PGAP4: variants seen among roughly 807,000 people sequenced by gnomAD.
PGAP4 encodes post-GPI attachment to proteins GalNAc transferase 4.
In PGAP4, 12 loss-of-function variants were observed where a neutral mutation model predicts 28.2. The ratio of observed to expected loss-of-function variants is 0.42; its 90% CI spans 0.27 to 0.69. The LOEUF (loss-of-function observed/expected upper bound fraction) is 0.69, where lower values mean the gene tolerates loss of function less well. Among genes scored for constraint, PGAP4 ranks in the 30% least tolerant of loss-of-function variants. The pLI is 0.22. For synonymous variants in PGAP4, 205 were observed against 211.8 expected, an observed-to-expected ratio of 0.97 and a Z score of 0.28; for missense variants, 425 against 513.5, an observed-to-expected ratio of 0.83 and a Z score of 1.67.
intron 2 of PGAP4, among the ~76,000 whole-genome samples, chr9:101,494,827 T>C (rs961322686): frequency 6.6e-6 from 1 of 151,538 alleles, no homozygotes; most frequent in African/African-American, 2.4e-5. Context: ...TTACTGTATG[T>C]AGCATTTTAA....
At chr9:101,519,970 A>G (rs1826975087) in intron 2 of PGAP4, among the ~76,000 whole-genome samples, 1 of 152,114 alleles carries the variant, frequency 6.6e-6, no homozygotes, top group South Asian at 2.1e-4. Context: ...CATTTGTTGA[A>G]TAGAGTGTCC....
chr9:101,513,453 C>G (rs996449906), intron 2 of PGAP4, among the ~76,000 whole-genome samples: 5 of 152,166 alleles, frequency 3.3e-5, no homozygotes, highest in African/African-American at 1.2e-4. Context: ...TAGGAACAGT[C>G]AGACCTGTCA....
At chr9:101,492,848 C>T (rs550854185) in intron 2 of PGAP4, among the ~76,000 whole-genome samples, 23 of 152,032 alleles carry the variant, frequency 1.5e-4, no homozygotes, top group Non-Finnish European at 3.2e-4. Context: ...GGAGTTTTCT[C>T]CCTAAACTCC....
intron 2 of PGAP4, among the ~76,000 whole-genome samples, chr9:101,494,894 T>G (rs2118579662): frequency 6.6e-6 from 1 of 150,988 alleles, no homozygotes; most frequent in South Asian, 2.1e-4. Context: ...TTTTATAAAT[T>G]TTATATATTT....
At chr9:101,518,089 G>A (rs1826956547) in intron 2 of PGAP4, among the ~76,000 whole-genome samples, 2 of 151,884 alleles carry the variant, frequency 1.3e-5, no homozygotes, top group African/African-American at 4.8e-5. Context: ...TTGTGTCCAC[G>A]TGTACTCAAT....
chr9:101,533,153 T>A (rs1588213560), exon 1 of PGAP4: 1 of 152,344 alleles, frequency 6.6e-6, no homozygotes, highest in South Asian at 2.1e-4. Flanking sequence ...GATCAGAGAC[T>A]GATTGGCGTT....
intron 2 of PGAP4, among the ~76,000 whole-genome samples, chr9:101,492,449 A>C (rs1826699643): frequency 6.6e-6 from 1 of 151,858 alleles, no homozygotes; most frequent in African/African-American, 2.4e-5. Context: ...GCCCGGCAGT[A>C]ATTTTTGTCT....
intron 1 of PGAP4, among the ~76,000 whole-genome samples, chr9:101,482,145 C>T (rs1218571057): frequency 6.6e-6 from 1 of 152,198 alleles, no homozygotes; most frequent in Non-Finnish European, 1.5e-5. Context: ...CTCTGTGAAA[C>T]AGGAAAATAA....
exon 1 of PGAP4, chr9:101,533,407 T>G (rs1827129022): frequency 6.6e-6 from 1 of 152,272 alleles, no homozygotes; most frequent in Admixed American, 6.5e-5. Flanking sequence ...ATCCCTCAGA[T>G]TCTCTCCAGA....
chr9:101,530,552 G>C (rs1482891988), intron 2 of PGAP4, among the ~76,000 whole-genome samples: 1 of 152,160 alleles, frequency 6.6e-6, no homozygotes, highest in Non-Finnish European at 1.5e-5. Context: ...ATAAGTGAGG[G>C]AAAAACTTAT....
chr9:101,478,330 A>G (rs962701923), intron 1 of PGAP4, among the ~76,000 whole-genome samples: 2 of 152,242 alleles, frequency 1.3e-5, no homozygotes, highest in African/African-American at 4.8e-5. Context: ...ATTGCTAGTA[A>G]GGTCAATGCA....
At chr9:101,525,637 G>T (rs1257068980) in intron 2 of PGAP4, among the ~76,000 whole-genome samples, 1 of 149,594 alleles carries the variant, frequency 6.7e-6, no homozygotes, top group African/African-American at 2.5e-5. Flanking sequence ...GAACCCGAGA[G>T]GCGGAGCTTG....
intron 2 of PGAP4, among the ~76,000 whole-genome samples, chr9:101,512,764 A>G (rs1826908460): frequency 6.6e-6 from 1 of 152,196 alleles, no homozygotes. Flanking sequence ...GCTTTCATCA[A>G]TGTGGTTTCT....
In PGAP4 at chr9:101,473,488, G is replaced by A. The variant is rs113356751; in HGVS notation, c.*2393C>T. 6.6e-6 allele frequency: 1 copy of A among 152,244 alleles called. No individual in the cohort carries two copies. Among genetic ancestry groups the A allele is most frequent in the African/African-American group, 2.4e-5 (1 of 41,462 alleles). 9.4% of individuals were successfully genotyped at this position (152,244 alleles called of 1,614,324 possible). ...TAAATGGAGGAAGATCTAGAAGTGG[G>A]TGGGAACAAAAGAGCAGAACTGAGC... is the stretch of plus-strand genomic sequence containing the variant. On this transcript the variant is annotated 3_prime_UTR_variant, in exon 2 of 2. Transcript: ENST00000374848.
At chr9:101,507,585 G>A (rs941843016) in intron 2 of PGAP4, among the ~76,000 whole-genome samples, 2 of 152,060 alleles carry the variant, frequency 1.3e-5, no homozygotes, top group African/African-American at 4.8e-5. Flanking sequence ...GAAAAAACAC[G>A]AGACAGCCTT....
chr9:101,493,967 G>T (rs962599712), intron 2 of PGAP4, among the ~76,000 whole-genome samples: 6 of 151,954 alleles, frequency 3.9e-5, no homozygotes, highest in Non-Finnish European at 8.8e-5. Flanking sequence ...CTAGTAACAG[G>T]TGTATCATAG....
chr9:101,511,132 A>G (rs1447196596), intron 2 of PGAP4, among the ~76,000 whole-genome samples: 1 of 152,182 alleles, frequency 6.6e-6, no homozygotes, highest in African/African-American at 2.4e-5. Flanking sequence ...GCAGTTCACA[A>G]TAGGGTTCTT....
chr9:101,487,693 T>G (rs940382689), upstream of PGAP4, among the ~76,000 whole-genome samples: 3 of 152,224 alleles, frequency 2.0e-5, no homozygotes, highest in Non-Finnish European at 4.4e-5. Flanking sequence ...TTTGCCTGTC[T>G]AGGCCACAGG....
intron 1 of PGAP4, among the ~76,000 whole-genome samples, chr9:101,482,202 C>T (rs2118536912): frequency 6.6e-6 from 1 of 152,382 alleles, no homozygotes; most frequent in South Asian, 2.1e-4. Flanking sequence ...AATCCCACCA[C>T]TTTGGGACGC....
Sources: allele counts gnomAD v4.1 joint callset (sites outside exome capture counted in the v4.1 genomes callset), GRCh38; gene constraint gnomAD v4.1.1; transcripts MANE v1.5; gene names NCBI Gene and HGNC (gene_info 2026-07-23, HGNC 2026-07-21).